The following GDI2 variants were observed in gnomAD, a reference collection of about 807,000 sequenced individuals.
GDI2 encodes the protein GDP dissociation inhibitor 2.
GDI2 carries 22 observed loss-of-function variants against 54.2 expected under a neutral mutation model. That is an observed-to-expected ratio of 0.41 (90% CI 0.29 to 0.58). GDI2 has a LOEUF of 0.58. Among genes scored for constraint, GDI2 ranks in the 20% least tolerant of loss-of-function variants. GDI2 has a pLI of 0.35. For synonymous variants in GDI2, 177 were observed against 182.1 expected (o/e 0.97, Z 0.23); for missense variants, 422 against 546.0 (o/e 0.77, Z 2.26).
intron 1 of GDI2, among the ~76,000 whole-genome samples, chr10:5,804,756 T>C (rs1027337470): frequency 1.8e-4 from 28 of 152,148 alleles, no homozygotes; most frequent in Admixed American, 1.2e-3. Context: ...GCTGTTTTCC[T>C]AGTACCACAG....
chr10:5,783,177 T>TA (rs1469564323), intron 6 of GDI2, among the ~76,000 whole-genome samples: 3 of 152,150 alleles, frequency 2.0e-5, no homozygotes, highest in Non-Finnish European at 4.4e-5. Context: ...AGGTTTTAGT[T>TA]AAACCCAGGA....
chr10:5,766,413 G>GC lies in GDI2; in HGVS notation c.1136+80dup. 1 of 1,532,252 alleles carries GC rather than the reference G, an allele frequency of 6.5e-7. No homozygotes were observed. 94.9% of individuals were successfully genotyped at this position (1,532,252 alleles called of 1,614,324 possible). A position where few individuals can be genotyped will look rare whatever the true frequency, so the allele number is the denominator to read the frequency against. ...AGAGCAGCCAGCAGCTACCTGCCTT[G>GC]CCCTCACATTCGTCCCACCATGGAG... On this transcript the variant is annotated intron_variant, in intron 9 of 10. Transcript: ENST00000380191. The surrounding 1 kb of genome is among the most constrained non-coding windows in gnomAD (Gnocchi z 5.8).
chr10:5,784,351 T>C (rs1416849472), intron 6 of GDI2, among the ~76,000 whole-genome samples: 1 of 152,214 alleles, frequency 6.6e-6, no homozygotes, highest in African/African-American at 2.4e-5. Context: ...TTTGTTTTGC[T>C]AAGTTGGACT....
intron 4 of GDI2, among the ~76,000 whole-genome samples, chr10:5,786,972 C>T (rs1840894614): frequency 6.6e-6 from 1 of 152,170 alleles, no homozygotes; most frequent in African/African-American, 2.4e-5. Context: ...AAATCCTCAG[C>T]TTTTATTACT....
intron 4 of GDI2, among the ~76,000 whole-genome samples, chr10:5,792,153 C>T (rs555248100): frequency 3.9e-5 from 6 of 152,142 alleles, no homozygotes; most frequent in South Asian, 2.1e-4. Context: ...CTTTATATAC[C>T]GTAAGAATAT....
chr10:5,777,036 C>G (rs960600695), intron 6 of GDI2, among the ~76,000 whole-genome samples: 2 of 152,182 alleles, frequency 1.3e-5, no homozygotes, highest in Non-Finnish European at 2.9e-5. Context: ...TGAAATGTAT[C>G]TGATTCACTG....
intron 2 of GDI2, among the ~76,000 whole-genome samples, chr10:5,798,482 G>A (rs1024639772): frequency 2.6e-5 from 4 of 151,684 alleles, no homozygotes; most frequent in Non-Finnish European, 5.9e-5. Context: ...CCAGCTACTC[G>A]GGAGGCTGAG....
At chr10:5,802,253 G>T (rs192620657) in intron 1 of GDI2, among the ~76,000 whole-genome samples, 1 of 152,194 alleles carries the variant, frequency 6.6e-6, no homozygotes, top group Admixed American at 6.6e-5. Context: ...AAACCTAAAG[G>T]AAAATAACTG....
At chr10:5,769,380 T>C (rs1212769374) in intron 7 of GDI2, 1 of 152,010 alleles carries the variant, frequency 6.6e-6, no homozygotes, top group African/African-American at 2.4e-5. Context: ...GAGACCAGCC[T>C]GACCAACATG....
At position 5,766,581 on chromosome 10, in the gene GDI2, A is replaced by G; in HGVS notation, c.1049T>C (p.Ile350Thr). ...AHNVAAQGKY[I>T]AIVSTTVETK... is the part of the protein sequence containing the mutation. The stretch of plus-strand genomic sequence containing the variant: ...TTCCACAGTTGTACTAACTATAGCA[A>G]TGTACTTCCCTTGTGCTGCTACATT... Residue 350 changes from isoleucine (I) to threonine (T), a missense_variant, in exon 9 of 11, where the codon ATT becomes ACT. By Grantham distance (89) the Ile-to-Thr change is moderately conservative. Transcript: ENST00000380191. This position sits in a 1 kb window ranked among gnomAD's most constrained non-coding sequence, Gnocchi z 5.8. The G allele has an allele frequency of 8.7e-6, 14 of 1,613,134 alleles. No homozygotes were observed. The highest frequency in any genetic ancestry group is 1.2e-5 in the Non-Finnish European group (14 of 1,179,118).
At chr10:5,793,775 G>A (rs1386262800) in intron 4 of GDI2, among the ~76,000 whole-genome samples, 1 of 152,088 alleles carries the variant, frequency 6.6e-6, no homozygotes, top group Non-Finnish European at 1.5e-5. Context: ...GGTCTTTTCT[G>A]GACTGTTTGC....
intron 1 of GDI2, among the ~76,000 whole-genome samples, chr10:5,809,791 G>T (rs1261410824): frequency 6.6e-6 from 1 of 152,196 alleles, no homozygotes; most frequent in East Asian, 1.9e-4. Context: ...AGAGGTAATT[G>T]CAGTGTATCA....
At chr10:5,795,390 G>T (rs1015841771) in intron 3 of GDI2, among the ~76,000 whole-genome samples, 2 of 151,930 alleles carry the variant, frequency 1.3e-5, no homozygotes, top group African/African-American at 2.4e-5. Flanking sequence ...CCAAGTGCTG[G>T]GATTATAGGC....
At position 5,766,750 on chromosome 10, in the gene GDI2, C is replaced by A; in HGVS notation, c.992-112G>T. On this transcript the variant is annotated intron_variant, in intron 8 of 10. Transcript: ENST00000380191. The surrounding 1 kb of genome is among the most constrained non-coding windows in gnomAD (Gnocchi z 5.8). ...GTGAGTTAAAATTACTCTCAATAGGCAAGATCTTCTACACTTAAGTTCTAA... is the reference window on the plus strand; with the variant it reads ...GTGAGTTAAAATTACTCTCAATAGGAAAGATCTTCTACACTTAAGTTCTAA... 1 of 748,330 alleles carries A rather than the reference C, an allele frequency of 1.3e-6. No individual in the cohort carries two copies. Among genetic ancestry groups the A allele is most frequent in the South Asian group, 1.7e-5 (1 of 58,332 alleles). The allele number at this position is 748,330 out of a possible 1,614,324, so 46.4% of individuals were successfully genotyped here. A position where few individuals can be genotyped will look rare whatever the true frequency, so the allele number is the denominator to read the frequency against.
At chr10:5,812,881 G>T (rs941558255) in intron 1 of GDI2, among the ~76,000 whole-genome samples, 3 of 152,176 alleles carry the variant, frequency 2.0e-5, no homozygotes, top group African/African-American at 7.2e-5. Context: ...CCAAACCGGG[G>T]AGCGGGACCC....
rs1362100191 is a variant in GDI2 at position 5,794,206 on chromosome 10, T to C, written c.388+679A>G. Among the ~76,000 whole-genome samples the C allele has an allele frequency of 2.7e-4, 22 of 82,992 alleles. 2 individuals carry two copies. The Admixed American group carries it at 3.1e-3, about 12-fold the overall frequency. The allele number at this position is 82,992 out of a possible 152,430, so 54.4% of individuals were successfully genotyped here. The stretch of plus-strand genomic sequence containing the variant: ...AAAAAAAAATATATATATATATATA[T>C]ATATATATATATATATATATATATA... On this transcript the variant is annotated intron_variant, in intron 4 of 10. Coordinates refer to ENST00000380191, the MANE Select transcript of GDI2 (RefSeq NM_001494.4).
chr10:5,796,870 C>T lies in GDI2; in HGVS notation c.154-8G>A. 1.5e-6 allele frequency: 2 copies of T among 1,313,632 alleles called. No homozygotes were observed. Among genetic ancestry groups the T allele is most frequent in the Non-Finnish European group, 2.2e-6 (2 of 909,490 alleles). The allele number at this position is 1,313,632 out of a possible 1,614,324, so 81.4% of individuals were successfully genotyped here. A position where few individuals can be genotyped will look rare whatever the true frequency, so the allele number is the denominator to read the frequency against. ...TTTAAATCTTTTGTATAACTAAAAG[C>T]AAGGAAAAACATAGCCATAATGTTA... On this transcript the variant is annotated splice_region_variant and splice_polypyrimidine_tract_variant and intron_variant, in intron 2 of 10. Transcript: ENST00000380191.
Position 5,766,254 on chromosome 10 carries a change from C to T in GDI2, c.1178G>A (p.Gly393Glu). ...TTCCATACTCACCTGGCTTTCTGTTCCCAAGTCTTTTGGTACCAGGAGGTC... is the reference window on the plus strand; with the variant it reads ...TTCCATACTCACCTGGCTTTCTGTTTCCAAGTCTTTTGGTACCAGGAGGTC... ...ISDLLVPKDL[G>E]TESQIFISRT... The change falls in exon 10 of 11, where the codon GGA becomes GAA. Residue 393 changes from glycine (G) to glutamate (E), a missense_variant. Gly to Glu is a moderately conservative substitution (Grantham distance 98, BLOSUM62 -2). Transcript: ENST00000380191. This position sits in a 1 kb window ranked among gnomAD's most constrained non-coding sequence, Gnocchi z 5.8. 6.2e-7 allele frequency: 1 copy of T among 1,613,570 alleles called. No individual in the cohort carries two copies. Among genetic ancestry groups the T allele is most frequent in the Non-Finnish European group, 8.5e-7 (1 of 1,179,470 alleles).
intron 4 of GDI2, among the ~76,000 whole-genome samples, chr10:5,794,021 G>A (rs554330415): frequency 5.4e-4 from 82 of 151,010 alleles, no homozygotes; most frequent in African/African-American, 1.6e-3. Flanking sequence ...AAAATTAGCC[G>A]GGCGTGTTGG....
Sources: allele counts gnomAD v4.1 joint callset (sites outside exome capture counted in the v4.1 genomes callset), GRCh38; gene constraint gnomAD v4.1.1; non-coding constraint Gnocchi (gnomAD v3.1); transcripts MANE v1.5; gene names NCBI Gene and HGNC (gene_info 2026-07-23, HGNC 2026-07-21).